The following NCOR1 variants were observed in gnomAD, a reference collection of about 807,000 sequenced individuals.
NCOR1 encodes the protein protein phosphatase 1, regulatory subunit 109.
In NCOR1, 63 loss-of-function variants were observed where a neutral mutation model predicts 288.1. The observed-to-expected ratio is 0.22, with a 90% CI of 0.18 to 0.27. NCOR1 has a LOEUF of 0.27. Ranked by LOEUF, NCOR1 falls within the 10% of genes least tolerant of loss-of-function variation. The probability of loss-of-function intolerance (pLI) is 1.00; values close to 1 mark genes in which losing one functional copy is unlikely to be tolerated. For synonymous variants in NCOR1, 1,007 were observed against 1,065.9 expected (o/e 0.94, Z 1.08); for missense variants, 2,397 against 3,019.2 (o/e 0.79, Z 4.83).
At position 16,032,262 on chromosome 17, in the gene NCOR1, T is replaced by C; in HGVS notation, c.*34A>G. ...TTAAACCACAAAAACTAGAGATCCCTCTCCTGCACCCTGTTCCCCTCACTT... is the reference window on the plus strand; with the variant it reads ...TTAAACCACAAAAACTAGAGATCCCCCTCCTGCACCCTGTTCCCCTCACTT... On this transcript the variant is annotated 3_prime_UTR_variant, in exon 46 of 46. Coordinates refer to ENST00000268712, the MANE Select transcript of NCOR1 (RefSeq NM_006311.4). 1.3e-6 allele frequency: 2 copies of C among 1,542,174 alleles called. No homozygotes were observed. Among genetic ancestry groups the C allele is most frequent in the Non-Finnish European group, 1.7e-6 (2 of 1,153,014 alleles).
chr17:16,127,585 GTATATATGTATGTATA>G (rs2074777779), intron 14 of NCOR1, among the ~76,000 whole-genome samples: 3 of 142,234 alleles, frequency 2.1e-5, no homozygotes, highest in Non-Finnish European at 3.0e-5. Flanking sequence ...ATACATATGT[GTATATATGTATGTATA>G]CATACATATG....
chr17:16,052,215 G>A (rs147141256), intron 40 of NCOR1, among the ~76,000 whole-genome samples: 2,825 of 151,522 alleles, frequency 0.019, 53 homozygotes, highest in Non-Finnish European at 0.027. Flanking sequence ...TAGTAGAAAT[G>A]GGGTTTCACT....
At chr17:16,119,604 G>T in intron 16 of NCOR1, 119 bp from the exon 17 acceptor site, 2 of 599,484 alleles carry the variant, frequency 3.3e-6, no homozygotes, top group Non-Finnish European at 5.5e-6. Flanking sequence ...AGCATTTGGT[G>T]AAAGAAACTG....
rs753232197 is a variant in NCOR1 at position 16,049,585 on chromosome 17, AT to A, written c.6393-598del. Among the ~76,000 whole-genome samples the A allele has an allele frequency of 2.9e-3, 405 of 141,864 alleles. 1 individual carries two copies. The highest frequency in any genetic ancestry group is 5.5e-3 in the East Asian group (27 of 4,898). The allele number at this position is 141,864 out of a possible 152,430, so 93.1% of individuals were successfully genotyped here. On this transcript the variant is annotated intron_variant, in intron 40 of 45. Coordinates refer to ENST00000268712, the MANE Select transcript of NCOR1 (RefSeq NM_006311.4). Reference sequence around the variant, plus strand: ...ACTGTTTAGCTCCCACCCATTTATCATTTTTTTTTTTTTTGAGACAGAGTCT... The same window carrying A: ...ACTGTTTAGCTCCCACCCATTTATCATTTTTTTTTTTTTGAGACAGAGTCT...
intron 18 of NCOR1, among the ~76,000 whole-genome samples, chr17:16,110,341 G>A (rs2069785110): frequency 6.6e-6 from 1 of 151,470 alleles, no homozygotes; most frequent in Admixed American, 6.6e-5. Flanking sequence ...GGGTGACAGT[G>A]AGACTCGTTC....
At chr17:16,182,582 G>A (rs1204435235) in intron 3 of NCOR1, among the ~76,000 whole-genome samples, 1 of 152,160 alleles carries the variant, frequency 6.6e-6, no homozygotes, top group African/African-American at 2.4e-5. Flanking sequence ...AGCCTCCAGA[G>A]TAGCTGGGAC....
intron 3 of NCOR1, among the ~76,000 whole-genome samples, chr17:16,172,783 A>G (rs1210223897): frequency 6.6e-6 from 1 of 152,124 alleles, no homozygotes; most frequent in African/African-American, 2.4e-5. Flanking sequence ...CCTGCTCGTG[A>G]GTGCTCATTA....
intron 32 of NCOR1, among the ~76,000 whole-genome samples, chr17:16,067,450 G>A (rs959023880): frequency 1.3e-5 from 2 of 152,162 alleles, no homozygotes; most frequent in African/African-American, 2.4e-5. Flanking sequence ...TTACTTGGAA[G>A]TTCTAGCTTT....
chr17:16,101,247 C>T lies in NCOR1; in HGVS notation c.2690+3G>A. The T allele has an allele frequency of 1.3e-6, 2 of 1,579,682 alleles. No homozygotes were observed. Among genetic ancestry groups the T allele is most frequent in the Non-Finnish European group, 8.6e-7 (1 of 1,163,460 alleles). On this transcript the variant is annotated splice_donor_region_variant and intron_variant, in intron 20 of 45. Transcript: ENST00000268712. ...CGGGGAGGACTTATGGAACGAGCCT[C>T]ACCTCTGCCTCTCTGGCTCTCCATC...
intron 7 of NCOR1, 122 bp downstream of exon 7, chr17:16,153,217 A>C: frequency 1.5e-6 from 1 of 653,476 alleles, no homozygotes. Flanking sequence ...CTCAAGCTAC[A>C]TCTCTGCTCA....
intron 15 of NCOR1, among the ~76,000 whole-genome samples, chr17:16,122,456 T>C (rs570791454): frequency 6.6e-6 from 1 of 152,320 alleles, no homozygotes; most frequent in African/African-American, 2.4e-5. Flanking sequence ...ACCAATGACT[T>C]GCAAACTGCA....
chr17:16,093,736 T>C (rs2065825810), intron 21 of NCOR1, among the ~76,000 whole-genome samples: 1 of 152,182 alleles, frequency 6.6e-6, no homozygotes. Flanking sequence ...TTTTCCTCCT[T>C]TTGCTATAAC....
chr17:16,157,728 T>A (rs1009498340), intron 6 of NCOR1, among the ~76,000 whole-genome samples: 7 of 152,116 alleles, frequency 4.6e-5, no homozygotes, highest in African/African-American at 1.7e-4. Flanking sequence ...TTATCATTTT[T>A]TGCACTGTGG....
At chr17:16,126,257 T>G in intron 14 of NCOR1, 51 bp from the exon 15 acceptor site, 1 of 1,492,116 alleles carries the variant, frequency 6.7e-7, no homozygotes, top group Non-Finnish European at 8.9e-7. Context: ...CAGAAATAGC[T>G]CCTTATAGTG....
rs149435270 is a variant in NCOR1, at chr17:16,079,262, T to C, written c.3501+702A>G. Among the ~76,000 whole-genome samples, 521 of 152,282 alleles carry C rather than the reference T, an allele frequency of 3.4e-3. 1 individual carries two copies. The highest frequency in any genetic ancestry group is 4.9e-3 in the Non-Finnish European group (332 of 68,022). Reference sequence around the variant, plus strand: ...ATGCTCCTGGTGTGGGGATCATACTTTGAGAACAACTGTCTTAGAGGATAG... The same window carrying C: ...ATGCTCCTGGTGTGGGGATCATACTCTGAGAACAACTGTCTTAGAGGATAG... On this transcript the variant is annotated intron_variant, in intron 26 of 45. Coordinates refer to ENST00000268712, the MANE Select transcript of NCOR1 (RefSeq NM_006311.4).
intron 14 of NCOR1, among the ~76,000 whole-genome samples, chr17:16,127,027 A>C (rs550230844): frequency 6.6e-6 from 1 of 152,160 alleles, no homozygotes; most frequent in African/African-American, 2.4e-5. Flanking sequence ...GTATATTGCT[A>C]TAACTCTATT....
rs1394804298 is a variant in NCOR1, at chr17:16,057,815, A to G, written c.6169-78T>C. ...AAAAATAGTATTAAGAAATCTAGATATCTTTATTATAAATTTCTTTTTCTA... is the reference window on the plus strand; with the variant it reads ...AAAAATAGTATTAAGAAATCTAGATGTCTTTATTATAAATTTCTTTTTCTA... On this transcript the variant is annotated intron_variant, in intron 39 of 45. Transcript: ENST00000268712. The G allele has an allele frequency of 2.7e-6, 4 of 1,474,112 alleles. No homozygotes were observed. In the African/African-American group the frequency reaches 5.8e-5, roughly 21 times the overall value. 91.3% of individuals were successfully genotyped at this position (1,474,112 alleles called of 1,614,324 possible).
intron 14 of NCOR1, among the ~76,000 whole-genome samples, chr17:16,127,206 T>TATATCTGTATGTATATATACATGTATGC (rs2074283705): frequency 2.5e-5 from 1 of 40,738 alleles, no homozygotes; most frequent in African/African-American, 8.5e-5. Flanking sequence ...TACATGTATG[T>TATATCTGTATGTATATATACATGTATGC]ATATATCTGT....
intron 15 of NCOR1, among the ~76,000 whole-genome samples, chr17:16,121,538 TACTCCATGAGAAAGTA>T (rs2073022734): frequency 6.6e-6 from 1 of 152,154 alleles, no homozygotes; most frequent in Non-Finnish European, 1.5e-5. Flanking sequence ...AAACCAGAAC[TACTCCATGAGAAAGTA>T]ACAAATGACA....
Sources: allele counts gnomAD v4.1 joint callset (sites outside exome capture counted in the v4.1 genomes callset), GRCh38; gene constraint gnomAD v4.1.1; transcripts MANE v1.5; gene names NCBI Gene and HGNC (gene_info 2026-07-23, HGNC 2026-07-21).